SLC12A4: variants seen among roughly 807,000 people sequenced by gnomAD.
The protein encoded by SLC12A4 is solute carrier family 12 member 4, also known as electroneutral potassium-chloride cotransporter 1.
Under a neutral mutation model 119.2 loss-of-function variants are expected in SLC12A4, and 84 were observed. That is an observed-to-expected ratio of 0.70 (90% CI 0.59 to 0.85). SLC12A4 has a LOEUF of 0.85. Among genes scored for constraint, SLC12A4 ranks in the 40% least tolerant of loss-of-function variants. SLC12A4 has a pLI of 0.00. For missense variants in SLC12A4, 1,298 were observed against 1,476.3 expected, an observed-to-expected ratio of 0.88 and a Z score of 1.98; for synonymous variants, 599 against 604.6, an observed-to-expected ratio of 0.99 and a Z score of 0.14.
intron 13 of SLC12A4, 45 bp from the exon 14 acceptor site, chr16:67,948,204 C>G: frequency 6.3e-7 from 1 of 1,581,838 alleles, no homozygotes; most frequent in Non-Finnish European, 8.7e-7. Flanking sequence ...TCCTCGGCAG[C>G]TGGGGACCTG....
Position 67,947,062 on chromosome 16 carries a change from C to A in SLC12A4, c.2116G>T (p.Val706Leu), listed in dbSNP as rs571635076. Residue 706 changes from valine (V) to leucine (L), a missense_variant, in exon 17 of 24, where the codon GTG (valine) becomes TTG (leucine). Transcript: ENST00000316341. Reference sequence around the variant, plus strand: ...AAGGTGAGGAGCCGCGGGTACTTCACGTGGAGGTCCTCGTCCAGCTTCAGC... The same window carrying A: ...AAGGTGAGGAGCCGCGGGTACTTCAAGTGGAGGTCCTCGTCCAGCTTCAGC... ...VLLKLDEDLH[V>L]KYPRLLTFAS... 6.2e-7 allele frequency: 1 copy of A among 1,610,430 alleles called. No individual in the cohort carries two copies. The highest frequency in any genetic ancestry group is 8.5e-7 in the Non-Finnish European group (1 of 1,179,424).
chr16:67,951,028 G>A lies in SLC12A4; in HGVS notation c.1330C>T (p.Leu444Phe). Residue 444 changes from leucine to phenylalanine, a missense_variant, in exon 10 of 24, where the codon CTT becomes TTT. Physicochemically the swap from Leu to Phe is conservative, Grantham distance 22. Transcript: ENST00000316341. The surrounding 1 kb of genome is among the most constrained non-coding windows in gnomAD (Gnocchi z 5.2). The part of the protein sequence containing the change: ...IMAGSNRSGD[L>F]RDAQKSIPVG... Reference sequence around the variant, plus strand: ...GGGATAGACTTCTGGGCGTCACGAAGGTCCCCAGAGCGGTTTGAGCCAGCC... The same window carrying A: ...GGGATAGACTTCTGGGCGTCACGAAAGTCCCCAGAGCGGTTTGAGCCAGCC... 3 of 1,613,950 alleles carry A rather than the reference G, an allele frequency of 1.9e-6. No homozygotes were observed. The highest frequency in any genetic ancestry group is 2.5e-6 in the Non-Finnish European group (3 of 1,180,020).
At chr16:67,960,861 A>G (rs1027396410) in intron 3 of SLC12A4, among the ~76,000 whole-genome samples, 1 of 152,050 alleles carries the variant, frequency 6.6e-6, no homozygotes, top group African/African-American at 2.4e-5. Flanking sequence ...AAGCCCCACA[A>G]GGCAGCATCA....
rs946190399 is a variant in SLC12A4 at position 67,960,538 on chromosome 16, A to G, written c.342+1037T>C. 7.3e-5 allele frequency among the ~76,000 whole-genome samples: 11 copies of G among 151,446 alleles called. No homozygotes were observed. In the South Asian group the frequency reaches 1.9e-3, roughly 26 times the overall value. On this transcript the variant is annotated intron_variant, in intron 3 of 23. Transcript: ENST00000316341. ...CCAGAAAGGCCCAAATCTCACGACC[A>G]GGTGTGAGGCTGCAGGCCTGGCTTA... is the stretch of plus-strand genomic sequence containing the variant.
At chr16:67,961,799 CCT>C in intron 2 of SLC12A4, 93 bp from the exon 3 acceptor site, 7 of 1,533,414 alleles carry the variant, frequency 4.6e-6, no homozygotes, top group Non-Finnish European at 5.3e-6. Context: ...TGTTCCAAGC[CCT>C]GAGACAGGCC....
In SLC12A4 at chr16:67,950,621, C is replaced by T; in HGVS notation, c.1454+33G>A. 2 of 1,609,308 alleles carry T rather than the reference C, an allele frequency of 1.2e-6. No individual in the cohort carries two copies. Among genetic ancestry groups the T allele is most frequent in the Admixed American group, 1.7e-5 (1 of 59,334 alleles). On this transcript the variant is annotated intron_variant, in intron 11 of 23. Transcript: ENST00000316341. This position sits in a 1 kb window ranked among gnomAD's most constrained non-coding sequence, Gnocchi z 4.3. ...GGTGTGAGGGCAGGCCAAAGCCCAG[C>T]CGCTGCTAAAGAGGGGGGCCCAGCT...
chr16:67,958,692 C>A (rs932636203), intron 3 of SLC12A4, among the ~76,000 whole-genome samples: 1 of 152,072 alleles, frequency 6.6e-6, no homozygotes, highest in East Asian at 1.9e-4. Context: ...CTTGGGCCAC[C>A]AGATGTGTCC....
In SLC12A4 at chr16:67,946,559, C is replaced by T; in HGVS notation, c.2316G>A (p.Glu772=). The T allele has an allele frequency of 6.2e-7, 1 of 1,612,532 alleles. No homozygotes were observed. The highest frequency in any genetic ancestry group is 8.5e-7 in the Non-Finnish European group (1 of 1,180,014). The change falls in exon 18 of 24, where the codon GAG becomes GAA. Residue 772 remains glutamate, a synonymous_variant. Coordinates refer to ENST00000316341, the MANE Select transcript of SLC12A4 (RefSeq NM_005072.5). ...AGGACTGGATGAGGTGGGCCAGCCC[C>T]TCCCGCACCTTGCTGGCCACCACCA... ...CQVVVASKVR[E]GLAHLIQSCG... is the part of the protein sequence containing the mutation.
At position 67,943,987 on chromosome 16, in the gene SLC12A4, T is replaced by A. The variant is rs1389355640; in HGVS notation, c.*853A>T. On this transcript the variant is annotated 3_prime_UTR_variant, in exon 24 of 24. Transcript: ENST00000316341. The surrounding 1 kb of genome is among the most constrained non-coding windows in gnomAD (Gnocchi z 4.6). The stretch of plus-strand genomic sequence containing the variant: ...CGTGTGTGGTTACTGAGCTCAGCCT[T>A]GGGCGTGGTGTGCGGGGGGAAGAGC... 3 of 1,548,188 alleles carry A rather than the reference T, an allele frequency of 1.9e-6. No individual in the cohort carries two copies. The highest frequency in any genetic ancestry group is 2.7e-5 in the African/African-American group (2 of 72,928).
intron 1 of SLC12A4, chr16:67,964,052 C>T: frequency 6.5e-7 from 1 of 1,550,082 alleles, no homozygotes; most frequent in Non-Finnish European, 8.7e-7. Flanking sequence ...CGGCTGGCTA[C>T]CCCACCATGC....
At position 67,950,509 on chromosome 16, in the gene SLC12A4, G is replaced by A. The variant is rs755639060; in HGVS notation, c.1455-16C>T. 1 of 1,613,698 alleles carries A rather than the reference G, an allele frequency of 6.2e-7. No homozygotes were observed. The highest frequency in any genetic ancestry group is 2.2e-5 in the East Asian group (1 of 44,866). Reference sequence around the variant, plus strand: ...ATCGCCATACCTGCAGGGGCCACCAGAGTGAGGGATGTCAGGGGTCCGGAA... The same window carrying A: ...ATCGCCATACCTGCAGGGGCCACCAAAGTGAGGGATGTCAGGGGTCCGGAA... On this transcript the variant is annotated splice_polypyrimidine_tract_variant and intron_variant, in intron 11 of 23. Coordinates refer to ENST00000316341, the MANE Select transcript of SLC12A4 (RefSeq NM_005072.5). This position sits in a 1 kb window ranked among gnomAD's most constrained non-coding sequence, Gnocchi z 4.3.
At position 67,968,600 on chromosome 16, in the gene SLC12A4, C is replaced by T. The variant is rs1363314993; in HGVS notation, c.-47G>A. 1 of 1,379,316 alleles carries T rather than the reference C, an allele frequency of 7.2e-7. No individual in the cohort carries two copies. Among genetic ancestry groups the T allele is most frequent in the African/African-American group, 1.6e-5 (1 of 64,220 alleles). 85.4% of individuals were successfully genotyped at this position (1,379,316 alleles called of 1,614,324 possible). The stretch of plus-strand genomic sequence containing the variant: ...CACCCGCCGTCCCAGCCGCCCGCCG[C>T]TGTCCCCGCCGCTGTCCCCGCCGCC... On this transcript the variant is annotated 5_prime_UTR_variant, in exon 1 of 24. Coordinates refer to ENST00000316341, the MANE Select transcript of SLC12A4 (RefSeq NM_005072.5).
intron 17 of SLC12A4, 56 bp downstream of exon 17, chr16:67,946,881 A>T: frequency 6.4e-7 from 1 of 1,556,558 alleles, no homozygotes; most frequent in Admixed American, 1.8e-5. Context: ...CCTCCGTGCC[A>T]GCTGCAGTCC....
chr16:67,943,958 G>A lies in SLC12A4; in HGVS notation c.*882C>T, dbSNP rs1181298236. 31 of 1,546,898 alleles carry A rather than the reference G, an allele frequency of 2.0e-5. No homozygotes were observed. The East Asian group carries it at 4.2e-4, about 21-fold the overall frequency. ...CTGGTGGGGGCTTACCGAGGATGAC[G>A]GGCCGTGTGTGGTTACTGAGCTCAG... On this transcript the variant is annotated 3_prime_UTR_variant, in exon 24 of 24. Transcript: ENST00000316341. This position sits in a 1 kb window ranked among gnomAD's most constrained non-coding sequence, Gnocchi z 4.6.
At chr16:67,945,695 C>G in intron 21 of SLC12A4, 69 bp downstream of exon 21, 16 of 1,509,268 alleles carry the variant, frequency 1.1e-5, no homozygotes, top group Non-Finnish European at 1.5e-5. Context: ...TTCCTCCGCA[C>G]CCACCGATGC....
intron 14 of SLC12A4, 52 bp downstream of exon 14, chr16:67,948,009 G>A (rs2058371619): frequency 6.3e-7 from 1 of 1,589,022 alleles, no homozygotes; most frequent in Non-Finnish European, 8.6e-7. Flanking sequence ...GCCTCACCCA[G>A]AATGAGGCTC....
rs1217576345 is a variant in SLC12A4 at position 67,952,007 on chromosome 16, G to C, written c.948C>G (p.Ser316=). The C allele has an allele frequency of 1.2e-6, 2 of 1,614,022 alleles. No individual in the cohort carries two copies. The highest frequency in any genetic ancestry group is 2.2e-5 in the East Asian group (1 of 44,880). ...TGGCACAGATGTCAAACTGGTCCCGGGACAGGGTCCTGTTGCCCAGCATGC... is the reference window on the plus strand; with the variant it reads ...TGGCACAGATGTCAAACTGGTCCCGCGACAGGGTCCTGTTGCCCAGCATGC... ...PVCMLGNRTL[S]RDQFDICAKT... is the part of the protein sequence containing the mutation. Residue 316 remains serine (S), a synonymous_variant, in exon 8 of 24, where the codon TCC becomes TCG. Coordinates refer to ENST00000316341, the MANE Select transcript of SLC12A4 (RefSeq NM_005072.5).
At chr16:67,961,211 A>AT (rs1357638229) in intron 3 of SLC12A4, among the ~76,000 whole-genome samples, 11 of 152,122 alleles carry the variant, frequency 7.2e-5, no homozygotes, top group Admixed American at 2.0e-4. Flanking sequence ...CCCTGACACT[A>AT]TTTCCTTGTC....
chr16:67,959,788 G>A (rs2030466176), intron 3 of SLC12A4, among the ~76,000 whole-genome samples: 1 of 152,244 alleles, frequency 6.6e-6, no homozygotes, highest in South Asian at 2.1e-4. Flanking sequence ...GGCAGCCTCA[G>A]AAGGTCATCA....
Sources: gnomAD v4.1 joint callset for allele counts (sites outside exome capture counted in the v4.1 genomes callset) on GRCh38, gnomAD v4.1.1 for gene constraint, Gnocchi (gnomAD v3.1) non-coding constraint, MANE v1.5 for transcripts, NCBI Gene and HGNC (gene_info 2026-07-23, HGNC 2026-07-21) for gene names.